The following TAFA1 variants were observed in gnomAD, a reference collection of about 807,000 sequenced individuals.
TAFA1 encodes the protein TAFA chemokine like family member 1.
TAFA1 carries 4 observed loss-of-function variants against 18.5 expected under a neutral mutation model. The ratio of observed to expected loss-of-function variants is 0.22; its 90% confidence interval spans 0.11 to 0.49. The LOEUF is 0.49. TAFA1 is among the 20% of genes least tolerant of loss of function. The pLI, the probability that TAFA1 is intolerant of heterozygous loss-of-function variation, is 0.98. For synonymous variants in TAFA1, 56 were observed against 55.2 expected (o/e 1.01, Z -0.06); for missense variants, 147 against 169.0 (o/e 0.87, Z 0.72).
At chr3:68,079,261 C>G (rs189218022) in intron 2 of TAFA1, among the ~76,000 whole-genome samples, 2,458 of 152,196 alleles carry the variant, frequency 0.016, 67 homozygotes, top group African/African-American at 0.056. Flanking sequence ...TTCAAAAAAC[C>G]AGCTCCTGGA....
At chr3:68,458,877 G>A (rs1559678110) in intron 3 of TAFA1, among the ~76,000 whole-genome samples, 2 of 151,940 alleles carry the variant, frequency 1.3e-5, no homozygotes, top group African/African-American at 2.4e-5. Context: ...ATCTGGGGCA[G>A]GTTCCCTGGG....
chr3:68,120,184 TCTTTCTTTCTTTC>T (rs2065375851), intron 2 of TAFA1, among the ~76,000 whole-genome samples: 1 of 17,110 alleles, frequency 5.8e-5, no homozygotes, highest in African/African-American at 1.5e-4. Flanking sequence ...TTTCTTTCTT[TCTTTCTTTCTTTC>T]TTTCTTTCTT....
At chr3:68,341,616 T>C (rs1232170005) in intron 2 of TAFA1, among the ~76,000 whole-genome samples, 1 of 152,188 alleles carries the variant, frequency 6.6e-6, no homozygotes, top group Non-Finnish European at 1.5e-5. Flanking sequence ...TTACCAATTT[T>C]GTTGCAGAAT....
chr3:68,417,054 C>T (rs1295840562), intron 2 of TAFA1, among the ~76,000 whole-genome samples: 3 of 152,138 alleles, frequency 2.0e-5, no homozygotes, highest in Non-Finnish European at 4.4e-5. Flanking sequence ...CCAGAATTGC[C>T]ACATCTTGAG....
chr3:68,044,027 A>T (rs972633201), intron 2 of TAFA1, among the ~76,000 whole-genome samples: 1 of 152,192 alleles, frequency 6.6e-6, no homozygotes, highest in Non-Finnish European at 1.5e-5. Context: ...TAGGAAAATC[A>T]CAGTCCTCAA....
chr3:68,250,265 C>G (rs140595522), intron 2 of TAFA1, among the ~76,000 whole-genome samples: 61 of 152,266 alleles, frequency 4.0e-4, no homozygotes, highest in African/African-American at 1.4e-3. Flanking sequence ...CAGAGGTACA[C>G]ATGGCTGTTA....
At chr3:68,042,324 AT>A (rs1435718558) in intron 2 of TAFA1, among the ~76,000 whole-genome samples, 2 of 152,238 alleles carry the variant, frequency 1.3e-5, no homozygotes, top group Non-Finnish European at 2.9e-5. Flanking sequence ...TCTAGCAGAT[AT>A]TGTTTTCAAT....
chr3:68,103,965 A>G (rs2065177712), intron 2 of TAFA1, among the ~76,000 whole-genome samples: 1 of 152,114 alleles, frequency 6.6e-6, no homozygotes, highest in African/African-American at 2.4e-5. Context: ...GCTTCTTCCC[A>G]TTGACTTAAG....
chr3:68,517,926 A>AC (rs2072949342), intron 3 of TAFA1, among the ~76,000 whole-genome samples: 2 of 66,276 alleles, frequency 3.0e-5, no homozygotes, highest in African/African-American at 7.0e-5. Flanking sequence ...ACTTGCTGAT[A>AC]AACACACACA....
intron 2 of TAFA1, among the ~76,000 whole-genome samples, chr3:68,193,071 T>C (rs769844724): frequency 4.0e-5 from 6 of 151,650 alleles, no homozygotes; most frequent in Non-Finnish European, 8.8e-5. Context: ...CCTAAGACGA[T>C]GAAAAAAATC....
intron 3 of TAFA1, among the ~76,000 whole-genome samples, chr3:68,436,548 T>G (rs1370501336): frequency 6.6e-6 from 1 of 152,146 alleles, no homozygotes; most frequent in Non-Finnish European, 1.5e-5. Flanking sequence ...AATTTCTTTC[T>G]TGAGCTCCAG....
At chr3:68,308,664 G>A (rs1216097928) in intron 2 of TAFA1, among the ~76,000 whole-genome samples, 1 of 152,068 alleles carries the variant, frequency 6.6e-6, no homozygotes, top group Non-Finnish European at 1.5e-5. Flanking sequence ...CACTTGCATG[G>A]AAAATTTGTC....
intron 3 of TAFA1, among the ~76,000 whole-genome samples, chr3:68,513,814 T>C (rs2072883139): frequency 6.6e-6 from 1 of 152,214 alleles, no homozygotes; most frequent in Non-Finnish European, 1.5e-5. Context: ...TTGACTACCA[T>C]ACTATTCTGC....
chr3:68,415,084 G>A (rs1038059670), intron 2 of TAFA1, among the ~76,000 whole-genome samples: 4 of 152,144 alleles, frequency 2.6e-5, no homozygotes, highest in Admixed American at 6.5e-5. Context: ...TCCCAGTGTC[G>A]TGCATGGGGA....
intron 2 of TAFA1, among the ~76,000 whole-genome samples, chr3:68,010,299 A>G (rs1357151617): frequency 2.0e-5 from 3 of 152,184 alleles, no homozygotes; most frequent in Admixed American, 6.5e-5. Flanking sequence ...TCAGACAGCA[A>G]ACAGCCAATT....
intron 3 of TAFA1, among the ~76,000 whole-genome samples, chr3:68,445,885 G>C (rs56300927): frequency 2.7e-3 from 406 of 152,214 alleles, no homozygotes; most frequent in African/African-American, 7.5e-3. Context: ...ATTTGTTGTT[G>C]TTGTTGTTTG....
At chr3:68,497,681 C>T (rs974718361) in intron 3 of TAFA1, among the ~76,000 whole-genome samples, 4 of 152,162 alleles carry the variant, frequency 2.6e-5, no homozygotes, top group Non-Finnish European at 5.9e-5. Context: ...AAGTGGAGTA[C>T]TCACAAAGGA....
At chr3:68,510,716 C>A (rs1056727558) in intron 3 of TAFA1, among the ~76,000 whole-genome samples, 2 of 152,090 alleles carry the variant, frequency 1.3e-5, no homozygotes, top group African/African-American at 4.8e-5. Context: ...TAATTAACAA[C>A]AGAGGGCAGA....
chr3:68,524,165 T>A (rs918838301), intron 3 of TAFA1, among the ~76,000 whole-genome samples: 23 of 152,142 alleles, frequency 1.5e-4, no homozygotes, highest in Admixed American at 3.9e-4. Context: ...CTCTGTCACA[T>A]GTCTGATGAT....
Sources: allele counts gnomAD v4.1 joint callset (sites outside exome capture counted in the v4.1 genomes callset), GRCh38; gene constraint gnomAD v4.1.1; transcripts MANE v1.5; gene names NCBI Gene and HGNC (gene_info 2026-07-23, HGNC 2026-07-21).